DLG2: variants seen among roughly 807,000 people sequenced by gnomAD.
DLG2 encodes the protein discs large MAGUK scaffold protein 2, also known as disks large homolog 2.
Under a neutral mutation model 132.5 loss-of-function variants are expected in DLG2, and 45 were observed. The observed-to-expected ratio is 0.34, with a 90% CI of 0.27 to 0.44. The LOEUF is 0.44. DLG2 is among the 20% of genes least tolerant of loss of function. The pLI is 1.00. For missense variants in DLG2, 1,045 were observed against 1,196.9 expected (o/e 0.87, Z 1.87); for synonymous variants, 424 against 419.6 (o/e 1.01, Z -0.13).
At chr11:83,667,851 G>A (rs533841832) in intron 18 of DLG2, among the ~76,000 whole-genome samples, 6 of 151,512 alleles carry the variant, frequency 4.0e-5, no homozygotes, top group East Asian at 2.0e-4. Context: ...GGTGGCAGGC[G>A]CCTGTAGTCC....
intron 19 of DLG2, among the ~76,000 whole-genome samples, chr11:83,566,050 C>T (rs773278268): frequency 6.6e-6 from 1 of 152,118 alleles, no homozygotes; most frequent in African/African-American, 2.4e-5. Context: ...GTGGGTTGCA[C>T]CCACTAAGAT....
chr11:84,396,952 G>C (rs1360176644), intron 7 of DLG2, among the ~76,000 whole-genome samples: 1 of 152,114 alleles, frequency 6.6e-6, no homozygotes, highest in Non-Finnish European at 1.5e-5. Context: ...GGTGGAAAAG[G>C]TTTAATAGTA....
intron 6 of DLG2, among the ~76,000 whole-genome samples, chr11:84,802,524 C>G (rs1298683368): frequency 6.6e-6 from 1 of 151,830 alleles, no homozygotes; most frequent in Non-Finnish European, 1.5e-5. Flanking sequence ...TGACCAACCC[C>G]AGTCACTACT....
At position 84,553,044 on chromosome 11, in the gene DLG2, T is replaced by C. The variant is rs77039214; in HGVS notation, c.358-18313A>G. The stretch of plus-strand genomic sequence containing the variant: ...GCCATTTTATCTTTCTAATCTTTTC[T>C]CACCTTCCTGTCTCATGCTTTTCCT... On this transcript the variant is annotated intron_variant, in intron 6 of 27. Coordinates refer to ENST00000376104, the MANE Select transcript of DLG2 (RefSeq NM_001142699.3). 3.4e-3 allele frequency among the ~76,000 whole-genome samples: 518 copies of C among 152,306 alleles called. 2 individuals are homozygous for C. Among genetic ancestry groups the C allele is most frequent in the African/African-American group, 0.012 (479 of 41,564 alleles).
intron 6 of DLG2, among the ~76,000 whole-genome samples, chr11:85,065,817 C>G (rs143148214): frequency 6.6e-6 from 1 of 150,856 alleles, no homozygotes; most frequent in African/African-American, 2.4e-5. Context: ...ACAGAAAAAG[C>G]AGTGCTAAGA....
At chr11:84,116,121 C>G (rs1031717257) in intron 9 of DLG2, among the ~76,000 whole-genome samples, 2 of 152,216 alleles carry the variant, frequency 1.3e-5, no homozygotes, top group African/African-American at 4.8e-5. Context: ...AGAGCACTGG[C>G]AAGTGGGGCC....
intron 7 of DLG2, among the ~76,000 whole-genome samples, chr11:84,520,232 T>G (rs920597864): frequency 6.6e-6 from 1 of 152,226 alleles, no homozygotes; most frequent in Non-Finnish European, 1.5e-5. Flanking sequence ...AAAAATTGTA[T>G]GGACAAGTTC....
At chr11:85,085,932 A>C (rs2067867860) in intron 6 of DLG2, among the ~76,000 whole-genome samples, 1 of 152,168 alleles carries the variant, frequency 6.6e-6, no homozygotes, top group South Asian at 2.1e-4. Flanking sequence ...GGTTGTAATT[A>C]AAACAAGCTC....
At chr11:85,233,033 A>T (rs1021639125) in intron 4 of DLG2, among the ~76,000 whole-genome samples, 4 of 151,868 alleles carry the variant, frequency 2.6e-5, no homozygotes, top group Admixed American at 6.6e-5. Context: ...TCTATTTTAA[A>T]TTTTTTTACT....
intron 7 of DLG2, among the ~76,000 whole-genome samples, chr11:84,435,693 G>T (rs1031249735): frequency 1.3e-5 from 2 of 152,156 alleles, no homozygotes; most frequent in African/African-American, 4.8e-5. Context: ...AGCCATCACA[G>T]AAATGGATGG....
intron 18 of DLG2, among the ~76,000 whole-genome samples, chr11:83,690,047 A>G (rs1168374014): frequency 1.4e-5 from 2 of 146,692 alleles, no homozygotes; most frequent in Admixed American, 6.9e-5. Flanking sequence ...TAAATTATGT[A>G]TTTTTATATA....
In DLG2 at chr11:85,248,150, G is replaced by A. The variant is rs551731874; in HGVS notation, c.186+37070C>T. Among the ~76,000 whole-genome samples, 9 of 152,158 alleles carry A rather than the reference G, an allele frequency of 5.9e-5. No homozygotes were observed. The East Asian group carries it at 1.4e-3, about 23-fold the overall frequency. On this transcript the variant is annotated intron_variant, in intron 4 of 27. Transcript: ENST00000376104. Reference sequence around the variant, plus strand: ...CTTTCTCACTGTCTCACTGAACCACGTGAGATAGCTAAGACAAATGCTACT... The same window carrying A: ...CTTTCTCACTGTCTCACTGAACCACATGAGATAGCTAAGACAAATGCTACT...
chr11:84,355,099 G>A (rs1166280145), intron 7 of DLG2, among the ~76,000 whole-genome samples: 1 of 152,010 alleles, frequency 6.6e-6, no homozygotes, highest in East Asian at 1.9e-4. Context: ...CAGAAAATAG[G>A]ATCATATAAG....
intron 3 of DLG2, among the ~76,000 whole-genome samples, chr11:85,496,152 G>A (rs958034277): frequency 2.0e-5 from 3 of 152,186 alleles, no homozygotes; most frequent in African/African-American, 7.2e-5. Flanking sequence ...CTAGCCAAGG[G>A]AAGCCATGAG....
At chr11:85,494,316 A>G (rs1159367187) in intron 3 of DLG2, among the ~76,000 whole-genome samples, 1 of 152,212 alleles carries the variant, frequency 6.6e-6, no homozygotes. Flanking sequence ...GTAGAAAATA[A>G]TTAAAGCCTT....
At chr11:85,124,827 C>T (rs920350831) in intron 5 of DLG2, among the ~76,000 whole-genome samples, 1 of 138,234 alleles carries the variant, frequency 7.2e-6, no homozygotes, top group Non-Finnish European at 1.5e-5. Flanking sequence ...GTTTTGAGCA[C>T]AGTAAAATTT....
rs569531403 is a variant in DLG2 at position 84,459,000 on chromosome 11, A to G, written c.519+75570T>C. Among the ~76,000 whole-genome samples, 6 of 150,796 alleles carry G rather than the reference A, an allele frequency of 4.0e-5. No individual in the cohort carries two copies. In the South Asian group the frequency reaches 1.2e-3, roughly 31 times the overall value. On this transcript the variant is annotated intron_variant, in intron 7 of 27. Transcript: ENST00000376104. ...AACTAAAGTTCAGAGAGATAGAATTACATATCCAAGGTTATACACCTAGTA... is the reference window on the plus strand; with the variant it reads ...AACTAAAGTTCAGAGAGATAGAATTGCATATCCAAGGTTATACACCTAGTA...
At chr11:85,027,367 AGGGGCTATAATTGTCAC>A (rs2060625768) in intron 6 of DLG2, among the ~76,000 whole-genome samples, 1 of 152,076 alleles carries the variant, frequency 6.6e-6, no homozygotes, top group Non-Finnish European at 1.5e-5. Context: ...ATCCAGAAGC[AGGGGCTATAATTGTCAC>A]GGGACCCTTG....
At chr11:84,709,181 T>C (rs765995648) in intron 6 of DLG2, among the ~76,000 whole-genome samples, 14 of 152,040 alleles carry the variant, frequency 9.2e-5, no homozygotes, top group African/African-American at 3.1e-4. Flanking sequence ...ATGCTAGAGA[T>C]GATAAATGAA....
Sources: allele counts gnomAD v4.1 joint callset (sites outside exome capture counted in the v4.1 genomes callset), GRCh38; gene constraint gnomAD v4.1.1; transcripts MANE v1.5; gene names NCBI Gene and HGNC (gene_info 2026-07-23, HGNC 2026-07-21).